The following VEZF1 variants were observed in gnomAD, a reference collection of about 807,000 sequenced individuals.
VEZF1 encodes the protein vascular endothelial zinc finger 1.
In VEZF1, 5 loss-of-function variants were observed where a neutral mutation model predicts 44.1. The observed-to-expected ratio is 0.11, with a 90% CI of 0.06 to 0.24. The LOEUF (loss-of-function observed/expected upper bound fraction) is 0.24, where lower values mean the gene tolerates loss of function less well. VEZF1 is among the 10% of genes least tolerant of loss of function. The pLI, the probability that VEZF1 is intolerant of heterozygous loss-of-function variation, is 1.00. For missense variants in VEZF1, 358 were observed against 641.8 expected (o/e 0.56, Z 4.78); for synonymous variants, 236 against 233.1 (o/e 1.01, Z -0.11).
At position 57,982,921 on chromosome 17, in the gene VEZF1, G is replaced by A. The variant is rs773895074; in HGVS notation, c.506C>T (p.Pro169Leu). ...CTCACAAGCATGGTTCTTCTTGACA[G>A]GCTTACTGGGTTTCTTGACAGACTG... The part of the protein sequence containing the change: ...VTQSVKKPSK[P>L]VKKNHACEMC... Residue 169 changes from proline (P) to leucine (L), a missense_variant, in exon 2 of 6, where the codon CCT becomes CTT. By Grantham distance (98) the Pro-to-Leu change is moderately conservative. Around this residue, in one of 4 missense-constraint regions of VEZF1, gnomAD observed 117 missense variants for 207.2 expected, o/e 0.56. Coordinates refer to ENST00000581208, the MANE Select transcript of VEZF1 (RefSeq NM_007146.3). The A allele has an allele frequency of 3.7e-6, 6 of 1,614,202 alleles. No homozygotes were observed. In the East Asian group the frequency reaches 1.3e-4, roughly 36 times the overall value.
chr17:57,978,059 C>T (rs1158881731), intron 5 of VEZF1, among the ~76,000 whole-genome samples: 1 of 151,536 alleles, frequency 6.6e-6, no homozygotes, highest in Non-Finnish European at 1.5e-5. Context: ...AAAAATTAGT[C>T]GGGTGTGGTG....
intron 5 of VEZF1, 34 bp downstream of exon 5, chr17:57,979,118 A>T: frequency 6.2e-7 from 1 of 1,604,452 alleles, no homozygotes; most frequent in Non-Finnish European, 8.5e-7. Flanking sequence ...ACACTTCTCT[A>T]GCCATATTTT....
rs2075166449 is a variant in VEZF1 at position 57,974,295 on chromosome 17, A to G, written c.*178T>C. 4.2e-6 allele frequency: 3 copies of G among 714,568 alleles called. No homozygotes were observed. The highest frequency in any genetic ancestry group is 4.5e-6 in the Non-Finnish European group (2 of 441,940). The allele number at this position is 714,568 out of a possible 1,614,324, so 44.3% of individuals were successfully genotyped here. On this transcript the variant is annotated 3_prime_UTR_variant, in exon 6 of 6. Coordinates refer to ENST00000581208, the MANE Select transcript of VEZF1 (RefSeq NM_007146.3). ...AACTAAAGTGGTCCAGTGATAAGTT[A>G]CATACACACCCTACTTTGAATAATC...
chr17:57,983,933 T>C (rs2075273380), intron 1 of VEZF1, among the ~76,000 whole-genome samples: 1 of 152,208 alleles, frequency 6.6e-6, no homozygotes, highest in South Asian at 2.1e-4. Context: ...GTTCTCTAAA[T>C]ACATTTGCTA....
At chr17:57,975,320 T>C (rs530612084) in intron 5 of VEZF1, among the ~76,000 whole-genome samples, 15 of 152,350 alleles carry the variant, frequency 9.8e-5, no homozygotes, top group African/African-American at 3.4e-4. Flanking sequence ...GCTAAAGAGC[T>C]TGTTTACACA....
At chr17:57,984,054 G>C (rs1383454103) in intron 1 of VEZF1, among the ~76,000 whole-genome samples, 1 of 152,218 alleles carries the variant, frequency 6.6e-6, no homozygotes, top group Non-Finnish European at 1.5e-5. Context: ...GCAAACACCT[G>C]TCAGTTGTTT....
chr17:57,973,744 A>ATT lies in VEZF1; in HGVS notation c.*727_*728dup, dbSNP rs4048253. 1.0e-3 allele frequency: 153 copies of ATT among 147,696 alleles called. No individual in the cohort carries two copies. The highest frequency in any genetic ancestry group is 3.7e-3 in the African/African-American group (148 of 40,522). 9.1% of individuals were successfully genotyped at this position (147,696 alleles called of 1,614,324 possible). A position where few individuals can be genotyped will look rare whatever the true frequency, so the allele number is the denominator to read the frequency against. On this transcript the variant is annotated 3_prime_UTR_variant, in exon 6 of 6. Transcript: ENST00000581208. ...AACACAATTTGTAGATTTTTTTTAA[A>ATT]TTTTTTTTTTTTTTAAAAAGTCAAC... is the stretch of plus-strand genomic sequence containing the variant.
At chr17:57,987,729 G>A (rs1367556726) in intron 1 of VEZF1, among the ~76,000 whole-genome samples, 1 of 152,016 alleles carries the variant, frequency 6.6e-6, no homozygotes, top group South Asian at 2.1e-4. Context: ...CCAGCGGCCC[G>A]GCGCCCTCCT....
intron 4 of VEZF1, among the ~76,000 whole-genome samples, chr17:57,979,970 CAAAAAAA>C (rs11359148): frequency 2.9e-5 from 2 of 68,434 alleles, no homozygotes; most frequent in Non-Finnish European, 6.6e-5. Context: ...GACTCCGTCT[CAAAAAAA>C]AAAAAAAAAA....
intron 2 of VEZF1, among the ~76,000 whole-genome samples, chr17:57,982,249 A>G (rs955341730): frequency 6.6e-6 from 1 of 152,216 alleles, no homozygotes; most frequent in Non-Finnish European, 1.5e-5. Context: ...TTAACTCTAA[A>G]AGCTTTTATA....
chr17:57,976,091 C>T (rs1485241728), intron 5 of VEZF1, among the ~76,000 whole-genome samples: 2 of 152,088 alleles, frequency 1.3e-5, no homozygotes, highest in African/African-American at 2.4e-5. Context: ...CAGGTCTAGA[C>T]ACTTCTTAAA....
chr17:57,980,261 G>C (rs1598046740), intron 4 of VEZF1, among the ~76,000 whole-genome samples: 2 of 152,284 alleles, frequency 1.3e-5, no homozygotes, highest in African/African-American at 4.8e-5. Context: ...CTGGGTAAAT[G>C]CAAGTATTCT....
rs1368209188 is a variant in VEZF1 at position 57,982,812 on chromosome 17, A to G, written c.615T>C (p.Pro205=). 1 of 1,614,206 alleles carries G rather than the reference A, an allele frequency of 6.2e-7. No individual in the cohort carries two copies. The stretch of plus-strand genomic sequence containing the variant: ...TCCTCTTGAAGCGCTGATTACAAAT[A>G]GGACACTCAAAGGGTTTCTCATCTG... ...SHSDEKPFEC[P]ICNQRFKRKD... The change falls in exon 2 of 6, where the codon CCT becomes CCC. Residue 205 remains proline (P), a synonymous_variant. Transcript: ENST00000581208.
At chr17:57,987,635 G>A (rs1283833193) in intron 1 of VEZF1, among the ~76,000 whole-genome samples, 4 of 151,990 alleles carry the variant, frequency 2.6e-5, no homozygotes, top group Non-Finnish European at 5.9e-5. Flanking sequence ...TGGCGGGGAG[G>A]AGACTCAGGG....
At chr17:57,980,935 CATA>C in intron 3 of VEZF1, 149 bp from the exon 4 acceptor site, 2 of 730,756 alleles carry the variant, frequency 2.7e-6, no homozygotes, top group South Asian at 3.8e-5. Context: ...GAATCATAAT[CATA>C]ATAAAACTCT....
chr17:57,985,388 C>T, intron 1 of VEZF1: 6 of 1,228,354 alleles, frequency 4.9e-6, no homozygotes, highest in Non-Finnish European at 6.1e-6. Flanking sequence ...ACAGGAATCA[C>T]TCTCTGAGGA....
intron 1 of VEZF1, among the ~76,000 whole-genome samples, chr17:57,984,035 C>G (rs547006118): frequency 6.6e-6 from 1 of 152,218 alleles, no homozygotes. Context: ...TCTGTGAAGG[C>G]AGCCCATAGC....
chr17:57,988,049 C>G (rs1214986106), intron 1 of VEZF1, 30 bp downstream of exon 1: 3 of 277,168 alleles, frequency 1.1e-5, no homozygotes, highest in South Asian at 1.4e-4. Context: ...CCCTGTCCCC[C>G]CCGTGCCCCC....
intron 5 of VEZF1, among the ~76,000 whole-genome samples, chr17:57,977,796 A>C (rs2075206504): frequency 6.6e-6 from 1 of 151,652 alleles, no homozygotes; most frequent in Non-Finnish European, 1.5e-5. Context: ...GTGAGACAAG[A>C]TCATGCCATT....
Sources: allele counts gnomAD v4.1 joint callset (sites outside exome capture counted in the v4.1 genomes callset), GRCh38; gene constraint gnomAD v4.1.1; regional missense constraint gnomAD v4.1.1; transcripts MANE v1.5; gene names NCBI Gene and HGNC (gene_info 2026-07-23, HGNC 2026-07-21).